BRD3: variants seen among roughly 807,000 people sequenced by gnomAD.
BRD3 encodes bromodomain containing 3.
In BRD3, 17 loss-of-function variants were observed where a neutral mutation model predicts 66.8. The ratio of observed to expected loss-of-function variants is 0.25; its 90% CI spans 0.17 to 0.38. The LOEUF (loss-of-function observed/expected upper bound fraction) is 0.38, where lower values mean the gene tolerates loss of function less well. Ranked by LOEUF, BRD3 falls within the 10% of genes least tolerant of loss-of-function variation. BRD3 has a pLI of 1.00. For synonymous variants in BRD3, 421 were observed against 393.2 expected (o/e 1.07, Z -0.84); for missense variants, 713 against 956.1 (o/e 0.75, Z 3.35).
At chr9:134,046,730 G>C (rs546767205) in intron 6 of BRD3, among the ~76,000 whole-genome samples, 1 of 152,188 alleles carries the variant, frequency 6.6e-6, no homozygotes, top group African/African-American at 2.4e-5. Flanking sequence ...CCACAGTCGC[G>C]GGCAGCAAGT....
intron 1 of BRD3, among the ~76,000 whole-genome samples, chr9:134,065,871 T>C (rs964445953): frequency 1.6e-4 from 24 of 152,012 alleles, no homozygotes; most frequent in African/African-American, 5.3e-4. Flanking sequence ...AGGAAGAGGG[T>C]AGAGGAAGGT....
intron 1 of BRD3, among the ~76,000 whole-genome samples, chr9:134,062,535 T>C (rs1076148): frequency 0.32 from 48,854 of 152,000 alleles, 8,069 homozygotes; most frequent in East Asian, 0.54. Context: ...GCGGCCTCTC[T>C]GAAGGTTTCC....
chr9:134,060,936 C>A (rs1830528731), intron 1 of BRD3, among the ~76,000 whole-genome samples: 1 of 152,196 alleles, frequency 6.6e-6, no homozygotes, highest in East Asian at 1.9e-4. Context: ...AGAAATTCAG[C>A]CCCCTTTAGG....
At chr9:134,067,707 G>A (rs1012356552) in intron 1 of BRD3, among the ~76,000 whole-genome samples, 2 of 145,672 alleles carry the variant, frequency 1.4e-5, no homozygotes, top group African/African-American at 4.9e-5. Context: ...GGGGAGCGGA[G>A]CCCGCGCCAC....
intron 1 of BRD3, among the ~76,000 whole-genome samples, chr9:134,065,553 G>C (rs980610731): frequency 1.3e-5 from 2 of 152,108 alleles, no homozygotes; most frequent in African/African-American, 2.4e-5. Context: ...TAACTGCTTT[G>C]AAAACCAAGA....
Position 134,032,927 on chromosome 9 carries a change from T to C in BRD3, c.*663A>G. ...AGTGTATGGAAACCTGCAGGCTGCA[T>C]ACACAGCCGCTCTGTTCCCTCCGAG... On this transcript the variant is annotated 3_prime_UTR_variant, in exon 12 of 12. Coordinates refer to ENST00000303407, the MANE Select transcript of BRD3 (RefSeq NM_007371.4). 1 of 365,478 alleles carries C rather than the reference T, an allele frequency of 2.7e-6. No individual in the cohort carries two copies. The highest frequency in any genetic ancestry group is 4.7e-5 in the Admixed American group (1 of 21,382). 22.6% of individuals were successfully genotyped at this position (365,478 alleles called of 1,614,324 possible). A position where few individuals can be genotyped will look rare whatever the true frequency, so the allele number is the denominator to read the frequency against.
rs146031758 is a variant in BRD3, at chr9:134,043,791, G to T, written c.1215+1502C>A. Among the ~76,000 whole-genome samples, 672 of 152,338 alleles carry T rather than the reference G, an allele frequency of 4.4e-3. 5 individuals are homozygous for T. Among genetic ancestry groups the T allele is most frequent in the African/African-American group, 0.016 (645 of 41,568 alleles). On this transcript the variant is annotated intron_variant, in intron 7 of 11. Coordinates refer to ENST00000303407, the MANE Select transcript of BRD3 (RefSeq NM_007371.4). ...CTGCAGTCTCCAACGCCCGGGCTCA[G>T]GTGATCCTCCCATCTCACTTTCCTG...
In BRD3 at chr9:134,033,370, G is replaced by A. The variant is rs1843544339; in HGVS notation, c.*220C>T. 4.3e-6 allele frequency: 2 copies of A among 461,426 alleles called. No individual in the cohort carries two copies. Among genetic ancestry groups the A allele is most frequent in the Non-Finnish European group, 7.6e-6 (2 of 261,510 alleles). The allele number at this position is 461,426 out of a possible 1,614,324, so 28.6% of individuals were successfully genotyped here. On this transcript the variant is annotated 3_prime_UTR_variant, in exon 12 of 12. Coordinates refer to ENST00000303407, the MANE Select transcript of BRD3 (RefSeq NM_007371.4). This position sits in a 1 kb window ranked among gnomAD's most constrained non-coding sequence, Gnocchi z 5.1. ...CCAAGTGACTGAATTCAGTGATGAA[G>A]AAGAGACTTTCTGCAGAGTTCACAC... is the stretch of plus-strand genomic sequence containing the variant.
chr9:134,063,213 C>T (rs1337270139), intron 1 of BRD3, among the ~76,000 whole-genome samples: 1 of 152,254 alleles, frequency 6.6e-6, no homozygotes, highest in East Asian at 1.9e-4. Flanking sequence ...CGCCCCCAGG[C>T]CTGTTGCCGG....
chr9:134,053,547 T>C lies in BRD3; in HGVS notation c.-70A>G, dbSNP rs1830349299. The C allele has an allele frequency of 1.4e-6, 2 of 1,462,790 alleles. No homozygotes were observed. Among genetic ancestry groups the C allele is most frequent in the Admixed American group, 2.4e-5 (1 of 41,160 alleles). 90.6% of individuals were successfully genotyped at this position (1,462,790 alleles called of 1,614,324 possible). On this transcript the variant is annotated 5_prime_UTR_variant, in exon 2 of 12. Transcript: ENST00000303407. Reference sequence around the variant, plus strand: ...AGGCCCTGGCTGCTTCTACGCTCCCTGAGAAAGCGCGACGTCCCATTTCCG... The same window carrying C: ...AGGCCCTGGCTGCTTCTACGCTCCCCGAGAAAGCGCGACGTCCCATTTCCG...
intron 5 of BRD3, among the ~76,000 whole-genome samples, chr9:134,048,782 G>A (rs1425367337): frequency 2.0e-5 from 3 of 152,212 alleles, no homozygotes; most frequent in African/African-American, 7.2e-5. Flanking sequence ...GCCATGTGAG[G>A]TGCTGCATGC....
At chr9:134,044,583 G>A (rs1164957980) in intron 7 of BRD3, among the ~76,000 whole-genome samples, 1 of 151,980 alleles carries the variant, frequency 6.6e-6, no homozygotes, top group Non-Finnish European at 1.5e-5. Flanking sequence ...AACCACCTGC[G>A]ATCACAATTA....
At position 134,031,920 on chromosome 9, in the gene BRD3, CG is replaced by C. The variant is rs1435761731; in HGVS notation, c.*1669del. ...GTCATTTCCGGACTAACTGTGACAA[CG>C]CGTGAGCAGGGAGCACCGTGCGAGT... On this transcript the variant is annotated 3_prime_UTR_variant, in exon 12 of 12. Transcript: ENST00000303407. 1 of 218,982 alleles carries C rather than the reference CG, an allele frequency of 4.6e-6. No individual in the cohort carries two copies. The highest frequency in any genetic ancestry group is 9.2e-6 in the Non-Finnish European group (1 of 108,942). 13.6% of individuals were successfully genotyped at this position (218,982 alleles called of 1,614,324 possible).
intron 5 of BRD3, 38 bp from the exon 6 acceptor site, chr9:134,048,492 G>C (rs199784463): frequency 6.3e-7 from 1 of 1,596,802 alleles, no homozygotes; most frequent in Non-Finnish European, 8.5e-7. Flanking sequence ...CCGGAAACCA[G>C]GGGCCCCGAA....
In BRD3 at chr9:134,045,489, C is replaced by A; in HGVS notation, c.1087-68G>T. The A allele has an allele frequency of 1.9e-6, 3 of 1,599,610 alleles. No individual in the cohort carries two copies. The highest frequency in any genetic ancestry group is 2.6e-6 in the Non-Finnish European group (3 of 1,170,652). ...CATCAGGACTCTCTGCCACACCCCA[C>A]GAGATGAACTCTGGAGCCTCAGGAG... is the stretch of plus-strand genomic sequence containing the variant. On this transcript the variant is annotated intron_variant, in intron 6 of 11. Transcript: ENST00000303407. This position sits in a 1 kb window ranked among gnomAD's most constrained non-coding sequence, Gnocchi z 4.8.
chr9:134,066,728 G>A (rs1029100238), intron 1 of BRD3, among the ~76,000 whole-genome samples: 11 of 152,228 alleles, frequency 7.2e-5, no homozygotes, highest in African/African-American at 2.7e-4. Context: ...CAATTACTCT[G>A]CCCACCAATG....
At chr9:134,037,311 C>G (rs574349955) in intron 9 of BRD3, among the ~76,000 whole-genome samples, 19 of 152,334 alleles carry the variant, frequency 1.2e-4, no homozygotes, top group Middle Eastern at 6.8e-3. Context: ...GTGGCTCACG[C>G]CTATAATCCC....
chr9:134,033,257 C>T lies in BRD3; in HGVS notation c.*333G>A. 2.4e-6 allele frequency: 1 copy of T among 413,838 alleles called. No individual in the cohort carries two copies. Among genetic ancestry groups the T allele is most frequent in the South Asian group, 9.4e-5 (1 of 10,666 alleles). The allele number at this position is 413,838 out of a possible 1,614,324, so 25.6% of individuals were successfully genotyped here. ...TTCTCGAGCTATCGACCAGGTTGGGCCTAAGCAAAGGGATTCCACAAGGTT... is the reference window on the plus strand; with the variant it reads ...TTCTCGAGCTATCGACCAGGTTGGGTCTAAGCAAAGGGATTCCACAAGGTT... On this transcript the variant is annotated 3_prime_UTR_variant, in exon 12 of 12. Transcript: ENST00000303407. The surrounding 1 kb of genome is among the most constrained non-coding windows in gnomAD (Gnocchi z 5.1).
intron 10 of BRD3, among the ~76,000 whole-genome samples, chr9:134,035,434 G>A (rs1278260248): frequency 3.3e-5 from 5 of 152,136 alleles, no homozygotes; most frequent in Admixed American, 3.3e-4. Context: ...GGGCTGCCTC[G>A]GGTCTGCCCT....
Sources: allele counts gnomAD v4.1 joint callset (sites outside exome capture counted in the v4.1 genomes callset), GRCh38; gene constraint gnomAD v4.1.1; non-coding constraint Gnocchi (gnomAD v3.1); transcripts MANE v1.5; gene names NCBI Gene and HGNC (gene_info 2026-07-23, HGNC 2026-07-21).